The following GALNTL6 variants were observed in gnomAD, a reference collection of about 807,000 sequenced individuals.
GALNTL6 encodes polypeptide N-acetylgalactosaminyltransferase-like 6.
A neutral mutation model predicts 73.7 loss-of-function variants in GALNTL6; 46 were observed. That is an observed-to-expected ratio of 0.62 (90% CI 0.49 to 0.80). The LOEUF (loss-of-function observed/expected upper bound fraction) is 0.80, where lower values mean the gene tolerates loss of function less well. GALNTL6 is among the 30% of genes least tolerant of loss of function. The probability of loss-of-function intolerance (pLI) is 0.00; values close to 1 mark genes in which losing one functional copy is unlikely to be tolerated. For missense variants in GALNTL6, 604 were observed against 755.0 expected (o/e 0.80, Z 2.34); for synonymous variants, 259 against 263.7 (o/e 0.98, Z 0.17).
chr4:171,859,441 T>G (rs1411524136), intron 2 of GALNTL6, among the ~76,000 whole-genome samples: 1 of 152,054 alleles, frequency 6.6e-6, no homozygotes, highest in Non-Finnish European at 1.5e-5. Flanking sequence ...CTTGAGTCCC[T>G]TCAGGAAGGG....
chr4:172,310,536 G>C (rs1213027397), intron 3 of GALNTL6, among the ~76,000 whole-genome samples: 1 of 152,056 alleles, frequency 6.6e-6, no homozygotes, highest in Non-Finnish European at 1.5e-5. Flanking sequence ...CTCCCAAAGT[G>C]CTGGGATTAT....
chr4:172,947,529 A>G (rs1006786767), intron 9 of GALNTL6, among the ~76,000 whole-genome samples: 2 of 152,194 alleles, frequency 1.3e-5, no homozygotes, highest in Admixed American at 6.5e-5. Context: ...GTAAATGATT[A>G]CATGTATAGA....
chr4:172,785,556 C>G lies in GALNTL6; in HGVS notation c.554-23805C>G, dbSNP rs1038672647. On this transcript the variant is annotated intron_variant, in intron 5 of 12. Coordinates refer to ENST00000506823, the MANE Select transcript of GALNTL6 (RefSeq NM_001034845.3). The stretch of plus-strand genomic sequence containing the variant: ...CTCGAGTTATAGCATAAAAAAAGTC[C>G]TGCTCTCATGAAGCCTAGACCCTAG... Among the ~76,000 whole-genome samples the G allele has an allele frequency of 1.4e-4, 22 of 152,020 alleles. 1 individual carries two copies. Among genetic ancestry groups the G allele is most frequent in the Admixed American group, 1.2e-3 (19 of 15,256 alleles).
intron 5 of GALNTL6, among the ~76,000 whole-genome samples, chr4:172,555,082 A>G (rs1385753767): frequency 1.3e-5 from 2 of 152,150 alleles, no homozygotes; most frequent in Non-Finnish European, 2.9e-5. Context: ...GCAGGTGTAC[A>G]ATAGCACATA....
At chr4:172,391,991 A>T (rs1169719376) in intron 5 of GALNTL6, among the ~76,000 whole-genome samples, 1 of 151,872 alleles carries the variant, frequency 6.6e-6, no homozygotes, top group Non-Finnish European at 1.5e-5. Flanking sequence ...AATTTTAAAC[A>T]GTTTTTTTTT....
At chr4:172,205,841 C>G (rs2110912215) in intron 2 of GALNTL6, among the ~76,000 whole-genome samples, 1 of 152,324 alleles carries the variant, frequency 6.6e-6, no homozygotes, top group South Asian at 2.1e-4. Flanking sequence ...CCGGAGATCT[C>G]ATCACATAGT....
chr4:171,989,999 C>A (rs113500374), intron 2 of GALNTL6, among the ~76,000 whole-genome samples: 3 of 151,940 alleles, frequency 2.0e-5, no homozygotes, highest in African/African-American at 7.3e-5. Context: ...GGGCTAGTCA[C>A]GGAAGGAAAC....
At chr4:172,942,412 C>A (rs1251995550) in intron 9 of GALNTL6, among the ~76,000 whole-genome samples, 1 of 152,188 alleles carries the variant, frequency 6.6e-6, no homozygotes, top group Non-Finnish European at 1.5e-5. Context: ...TTGATAATCT[C>A]TTTGGGTGAT....
At chr4:172,026,382 A>G (rs1421314557) in intron 2 of GALNTL6, among the ~76,000 whole-genome samples, 1 of 152,136 alleles carries the variant, frequency 6.6e-6, no homozygotes, top group Non-Finnish European at 1.5e-5. Context: ...GATATTAAGC[A>G]CAGCACAGTG....
chr4:172,915,454 C>T (rs1014009271), intron 8 of GALNTL6, among the ~76,000 whole-genome samples: 1 of 152,058 alleles, frequency 6.6e-6, no homozygotes, highest in African/African-American at 2.4e-5. Flanking sequence ...TCAATGAATC[C>T]AGCAGCTGGT....
chr4:172,367,043 C>A (rs1388922383), intron 5 of GALNTL6, among the ~76,000 whole-genome samples: 4 of 152,168 alleles, frequency 2.6e-5, no homozygotes, highest in African/African-American at 7.2e-5. Flanking sequence ...CAGGAAGGTG[C>A]AAAGCACTTT....
At chr4:172,784,668 A>T (rs1739555284) in intron 5 of GALNTL6, among the ~76,000 whole-genome samples, 1 of 152,118 alleles carries the variant, frequency 6.6e-6, no homozygotes, top group South Asian at 2.1e-4. Flanking sequence ...AATTAGAAAA[A>T]TTTCCCTAGG....
At chr4:172,756,601 C>T (rs890012969) in intron 5 of GALNTL6, among the ~76,000 whole-genome samples, 12 of 151,096 alleles carry the variant, frequency 7.9e-5, no homozygotes, top group Non-Finnish European at 1.2e-4. Context: ...GCCAAGATCG[C>T]GTCACTGCAC....
At chr4:172,252,973 A>G (rs951042414) in intron 3 of GALNTL6, among the ~76,000 whole-genome samples, 1 of 152,046 alleles carries the variant, frequency 6.6e-6, no homozygotes, top group Non-Finnish European at 1.5e-5. Flanking sequence ...TTGAAACCAC[A>G]TCAAGTTGGT....
chr4:172,226,605 C>G (rs115093513), intron 2 of GALNTL6, among the ~76,000 whole-genome samples: 1 of 150,012 alleles, frequency 6.7e-6, no homozygotes, highest in South Asian at 2.1e-4. Flanking sequence ...GTGTGTGTTT[C>G]TGTGTGTGTG....
chr4:171,911,334 A>G (rs1737471199), intron 2 of GALNTL6, among the ~76,000 whole-genome samples: 1 of 152,014 alleles, frequency 6.6e-6, no homozygotes. Flanking sequence ...TAATTTTTGT[A>G]TTTTTGTAGA....
intron 2 of GALNTL6, among the ~76,000 whole-genome samples, chr4:171,856,236 G>T (rs1470284597): frequency 6.6e-6 from 1 of 151,270 alleles, no homozygotes; most frequent in African/African-American, 2.4e-5. Flanking sequence ...CTGAATAGCT[G>T]GGGTTACAGG....
At chr4:171,912,424 G>A (rs1737501994) in intron 2 of GALNTL6, among the ~76,000 whole-genome samples, 1 of 151,992 alleles carries the variant, frequency 6.6e-6, no homozygotes, top group South Asian at 2.1e-4. Context: ...CTTTTCTATT[G>A]ATATACAATA....
intron 2 of GALNTL6, among the ~76,000 whole-genome samples, chr4:171,941,134 G>T (rs549359930): frequency 2.4e-4 from 37 of 152,202 alleles, no homozygotes; most frequent in African/African-American, 8.9e-4. Flanking sequence ...TAAACCTAGA[G>T]AGTCGTATGA....
Sources: gnomAD v4.1 joint callset for allele counts (sites outside exome capture counted in the v4.1 genomes callset) on GRCh38, gnomAD v4.1.1 for gene constraint, MANE v1.5 for transcripts, NCBI Gene and HGNC (gene_info 2026-07-23, HGNC 2026-07-21) for gene names.